DHX15: variants seen among roughly 807,000 people sequenced by gnomAD.
DHX15 encodes the protein ATP-dependent RNA helicase DHX15.
In DHX15, 11 loss-of-function variants were observed where a neutral mutation model predicts 94.4. The ratio of observed to expected loss-of-function variants is 0.12; its 90% CI spans 0.07 to 0.19. DHX15 has a LOEUF of 0.19. DHX15 is among the 10% of genes least tolerant of loss of function. The probability of loss-of-function intolerance (pLI) is 1.00; values close to 1 mark genes in which losing one functional copy is unlikely to be tolerated. For missense variants in DHX15, 304 were observed against 988.5 expected (o/e 0.31, Z 9.29); for synonymous variants, 338 against 329.9 (o/e 1.02, Z -0.27).
At chr4:24,554,969 A>G (rs1485415999) in intron 4 of DHX15, 26 bp from the exon 5 acceptor site, 11 of 1,574,178 alleles carry the variant, frequency 7.0e-6, no homozygotes, top group Non-Finnish European at 8.7e-6. Flanking sequence ...AAATTATTTG[A>G]AGCTGTCTTC....
intron 6 of DHX15, among the ~76,000 whole-genome samples, chr4:24,547,893 G>GTATATA (rs1403248233): frequency 1.3e-4 from 9 of 66,730 alleles, no homozygotes; most frequent in South Asian, 6.9e-4. Context: ...CTCTCTCTAT[G>GTATATA]TATGTATGTG....
At chr4:24,568,324 A>G (rs1335435350) in intron 3 of DHX15, among the ~76,000 whole-genome samples, 2 of 152,234 alleles carry the variant, frequency 1.3e-5, no homozygotes, top group Non-Finnish European at 2.9e-5. Context: ...TACATTTGAA[A>G]TTTTTAAATT....
At chr4:24,559,042 T>A (rs1009328038) in intron 3 of DHX15, among the ~76,000 whole-genome samples, 1 of 152,162 alleles carries the variant, frequency 6.6e-6, no homozygotes, top group Non-Finnish European at 1.5e-5. Flanking sequence ...AATAGGGTCT[T>A]TGCAGAAGTA....
At chr4:24,578,389 A>G (rs1255298251) in intron 1 of DHX15, among the ~76,000 whole-genome samples, 1 of 152,194 alleles carries the variant, frequency 6.6e-6, no homozygotes, top group Non-Finnish European at 1.5e-5. Context: ...GTGCCCAGCA[A>G]AGTAAGAAGC....
chr4:24,555,239 A>G (rs1721703744), intron 4 of DHX15, among the ~76,000 whole-genome samples: 1 of 151,992 alleles, frequency 6.6e-6, no homozygotes, highest in African/African-American at 2.4e-5. Flanking sequence ...AGAAAACATT[A>G]ATATGCAGTA....
At chr4:24,559,367 T>C (rs1321859508) in intron 3 of DHX15, among the ~76,000 whole-genome samples, 1 of 125,136 alleles carries the variant, frequency 8.0e-6, no homozygotes, top group Non-Finnish European at 1.7e-5. Flanking sequence ...TTGTCAATTT[T>C]AAGCCACTAA....
At chr4:24,555,077 G>A in intron 4 of DHX15, 134 bp from the exon 5 acceptor site, 1 of 555,756 alleles carries the variant, frequency 1.8e-6, no homozygotes, top group South Asian at 3.2e-5. Context: ...AACTGTAAAT[G>A]AAAAATCAAA....
intron 3 of DHX15, among the ~76,000 whole-genome samples, chr4:24,557,952 AAT>A (rs1268023543): frequency 6.6e-6 from 1 of 150,642 alleles, no homozygotes; most frequent in Non-Finnish European, 1.5e-5. Context: ...TCTTAGCTTC[AAT>A]AGAGCGGTCT....
chr4:24,527,703 C>T lies in DHX15; in HGVS notation c.*221G>A. The T allele has an allele frequency of 4.4e-6, 2 of 459,404 alleles. No homozygotes were observed. The highest frequency in any genetic ancestry group is 3.9e-6 in the Non-Finnish European group (1 of 257,438). 28.5% of individuals were successfully genotyped at this position (459,404 alleles called of 1,614,324 possible). ...GAACTACTTTCAATAAACTGCAAAACATTGATCGACTTTTCCAGTATGAGC... is the reference window on the plus strand; with the variant it reads ...GAACTACTTTCAATAAACTGCAAAATATTGATCGACTTTTCCAGTATGAGC... On this transcript the variant is annotated 3_prime_UTR_variant, in exon 14 of 14. Coordinates refer to ENST00000336812, the MANE Select transcript of DHX15 (RefSeq NM_001358.3).
intron 5 of DHX15, among the ~76,000 whole-genome samples, chr4:24,550,834 G>A (rs1178120703): frequency 6.6e-6 from 1 of 152,166 alleles, no homozygotes; most frequent in Admixed American, 6.5e-5. Flanking sequence ...TTATTATTAT[G>A]TACTGGACAT....
At chr4:24,556,064 C>T (rs537716174) in intron 4 of DHX15, among the ~76,000 whole-genome samples, 187 bp downstream of exon 4, 1 of 152,148 alleles carries the variant, frequency 6.6e-6, no homozygotes, top group African/African-American at 2.4e-5. Context: ...AAATGCATTA[C>T]TATAAAGGGG....
At chr4:24,572,285 C>A (rs1722140366) in intron 2 of DHX15, among the ~76,000 whole-genome samples, 1 of 152,162 alleles carries the variant, frequency 6.6e-6, no homozygotes, top group Non-Finnish European at 1.5e-5. Context: ...CAGGCACGTG[C>A]CACCACGCCT....
chr4:24,572,381 C>T (rs1342539041), intron 2 of DHX15, among the ~76,000 whole-genome samples: 1 of 152,144 alleles, frequency 6.6e-6, no homozygotes, highest in African/African-American at 2.4e-5. Context: ...GGTGATGCAC[C>T]CGCCTCAGCC....
At position 24,584,266 on chromosome 4, in the gene DHX15, C is replaced by T. The variant is rs1722554351; in HGVS notation, c.71+57G>A. The T allele has an allele frequency of 5.2e-6, 8 of 1,551,850 alleles. No individual in the cohort carries two copies. The Admixed American group carries it at 1.5e-4, about 28-fold the overall frequency. On this transcript the variant is annotated intron_variant, in intron 1 of 13. Transcript: ENST00000336812. ...CGGCCAGGCCAGCCCCGGCCCGCTC[C>T]CTGCCAGGACCCCAACAAAGCCCGA...
intron 6 of DHX15, 133 bp from the exon 7 acceptor site, chr4:24,543,159 C>T (rs531736245): frequency 4.9e-6 from 3 of 618,312 alleles, no homozygotes; most frequent in Non-Finnish European, 8.2e-6. Context: ...ATCATTTGAT[C>T]TTCAATGGCC....
Position 24,527,612 on chromosome 4 carries a change from G to T in DHX15, c.*312C>A. On this transcript the variant is annotated 3_prime_UTR_variant, in exon 14 of 14. Transcript: ENST00000336812. ...TACAACGATCATGCATACCATGGTC[G>T]ATAATCACATTTTAGAAGCATTTTC... 1 of 235,112 alleles carries T rather than the reference G, an allele frequency of 4.3e-6. No individual in the cohort carries two copies. The highest frequency in any genetic ancestry group is 8.3e-6 in the Non-Finnish European group (1 of 119,786). The allele number at this position is 235,112 out of a possible 1,614,324, so 14.6% of individuals were successfully genotyped here.
chr4:24,552,006 G>C (rs926552659), intron 5 of DHX15, among the ~76,000 whole-genome samples: 1 of 152,150 alleles, frequency 6.6e-6, no homozygotes, highest in African/African-American at 2.4e-5. Context: ...CTAAAATGTG[G>C]AAGAAATCCC....
At chr4:24,539,498 C>A (rs1436843013) in intron 10 of DHX15, among the ~76,000 whole-genome samples, 3 of 151,936 alleles carry the variant, frequency 2.0e-5, no homozygotes, top group Admixed American at 6.6e-5. Context: ...CTTAATGGTC[C>A]AATTTTACAA....
chr4:24,569,865 G>A (rs1722083039), intron 3 of DHX15, among the ~76,000 whole-genome samples: 1 of 152,134 alleles, frequency 6.6e-6, no homozygotes, highest in Non-Finnish European at 1.5e-5. Context: ...TGAACTCCTG[G>A]CCTCAAGCAA....
Sources: allele counts gnomAD v4.1 joint callset (sites outside exome capture counted in the v4.1 genomes callset), GRCh38; gene constraint gnomAD v4.1.1; transcripts MANE v1.5; gene names NCBI Gene and HGNC (gene_info 2026-07-23, HGNC 2026-07-21).